The following SLC9A7 variants were observed in gnomAD, a reference collection of about 807,000 sequenced individuals.
SLC9A7 encodes solute carrier family 9 member A7.
Under a neutral mutation model 52.6 loss-of-function variants are expected in SLC9A7, and 19 were observed. The ratio of observed to expected loss-of-function variants is 0.36; its 90% CI spans 0.25 to 0.53. SLC9A7 has a LOEUF of 0.53. Among genes scored for constraint, SLC9A7 ranks in the 20% least tolerant of loss-of-function variants. The probability of loss-of-function intolerance (pLI) is 0.91; values close to 1 mark genes in which losing one functional copy is unlikely to be tolerated. For synonymous variants in SLC9A7, 226 were observed against 252.1 expected (o/e 0.90, Z 0.98); for missense variants, 455 against 597.9 (o/e 0.76, Z 2.49).
intron 1 of SLC9A7, among the ~76,000 whole-genome samples, chrX:46,750,229 T>G (rs951686659): frequency 1.8e-5 from 2 of 112,231 alleles, no homozygotes; most frequent in African/African-American, 6.5e-5. Flanking sequence ...TATATTGAGT[T>G]CATCCTTTAA....
intron 16 of SLC9A7, among the ~76,000 whole-genome samples, chrX:46,612,514 T>A (rs1363417237): frequency 8.9e-6 from 1 of 112,036 alleles, no homozygotes; most frequent in Non-Finnish European, 1.9e-5. Flanking sequence ...CATATCAACA[T>A]AAATAAACTA....
intron 4 of SLC9A7, among the ~76,000 whole-genome samples, chrX:46,669,980 AC>A (rs1943993279): frequency 8.9e-6 from 1 of 112,326 alleles, no homozygotes; most frequent in African/African-American, 3.2e-5. Flanking sequence ...ACCATGAAGC[AC>A]AGTCTTCAAT....
At chrX:46,755,234 G>A (rs1207999329) in intron 1 of SLC9A7, among the ~76,000 whole-genome samples, 3 of 111,340 alleles carry the variant, frequency 2.7e-5, no homozygotes, top group Non-Finnish European at 3.8e-5. Context: ...CTTATTATGG[G>A]GTCTATTTGT....
At chrX:46,632,608 C>T (rs1943240483) in intron 13 of SLC9A7, among the ~76,000 whole-genome samples, 1 of 111,286 alleles carries the variant, frequency 9.0e-6, no homozygotes, top group Non-Finnish European at 1.9e-5. Flanking sequence ...TAGCCAGAAT[C>T]CCCCTTGCCC....
At chrX:46,666,279 A>G (rs745631550) in intron 5 of SLC9A7, among the ~76,000 whole-genome samples, 8 of 111,155 alleles carry the variant, frequency 7.2e-5, no homozygotes, top group African/African-American at 2.6e-4. Flanking sequence ...GCTAATTTTT[A>G]CAATTTTTTT....
chrX:46,716,064 T>C (rs1363039295), intron 1 of SLC9A7, among the ~76,000 whole-genome samples: 2 of 111,497 alleles, frequency 1.8e-5, no homozygotes, highest in Non-Finnish European at 1.9e-5. Flanking sequence ...TGACTTATAA[T>C]AGTAATCTTA....
intron 1 of SLC9A7, among the ~76,000 whole-genome samples, chrX:46,707,590 G>A (rs1049002163): frequency 3.6e-5 from 4 of 112,378 alleles, no homozygotes; most frequent in African/African-American, 1.3e-4. Context: ...TTCTGTGTGA[G>A]ACTAAATAAC....
Position 46,680,507 on chromosome X carries a change from C to T in SLC9A7, c.526-752G>A, listed in dbSNP as rs775641916. On this transcript the variant is annotated intron_variant, in intron 2 of 16. Transcript: ENST00000616978. Reference sequence around the variant, plus strand: ...ATTTAAGTCTCTTTTGAGTGACCAGCCTTCTGTGACACTTGATGTAGCCTA... The same window carrying T: ...ATTTAAGTCTCTTTTGAGTGACCAGTCTTCTGTGACACTTGATGTAGCCTA... Among the ~76,000 whole-genome samples, 5 of 111,455 alleles carry T rather than the reference C, an allele frequency of 4.5e-5. No homozygotes were observed. The South Asian group carries it at 1.9e-3, about 42-fold the overall frequency.
intron 7 of SLC9A7, among the ~76,000 whole-genome samples, chrX:46,655,242 TC>T (rs1943657651): frequency 1.8e-5 from 2 of 111,403 alleles, no homozygotes; most frequent in African/African-American, 6.5e-5. Flanking sequence ...ACCCTGGCCT[TC>T]CAAAGTGCTG....
chrX:46,631,415 T>C (rs1472992000), intron 14 of SLC9A7, among the ~76,000 whole-genome samples, 171 bp downstream of exon 14: 1 of 112,292 alleles, frequency 8.9e-6, no homozygotes, highest in Non-Finnish European at 1.9e-5. Context: ...TCACTTATTC[T>C]GAGATGACTC....
At chrX:46,754,894 T>C (rs1922527096) in intron 1 of SLC9A7, among the ~76,000 whole-genome samples, 2 of 112,504 alleles carry the variant, frequency 1.8e-5, no homozygotes, top group Middle Eastern at 4.6e-3. Context: ...TGCAAAGACA[T>C]GTAGGGCCCA....
chrX:46,710,793 A>G (rs1471684389), intron 1 of SLC9A7, among the ~76,000 whole-genome samples: 1 of 105,026 alleles, frequency 9.5e-6, no homozygotes, highest in Admixed American at 1.0e-4. Flanking sequence ...TCTATTTATG[A>G]GCATACCATA....
At chrX:46,701,183 G>T (rs1331601953) in intron 1 of SLC9A7, among the ~76,000 whole-genome samples, 1 of 111,810 alleles carries the variant, frequency 8.9e-6, no homozygotes, top group Non-Finnish European at 1.9e-5. Context: ...AGGCACACAA[G>T]ATATAATTTT....
chrX:46,666,901 A>G (rs763381563), intron 5 of SLC9A7, among the ~76,000 whole-genome samples: 5 of 112,484 alleles, frequency 4.4e-5, no homozygotes, highest in Admixed American at 2.8e-4. Context: ...CAGACTTATG[A>G]AGATCTATTT....
intron 14 of SLC9A7, among the ~76,000 whole-genome samples, chrX:46,624,910 T>A (rs1943100300): frequency 1.8e-5 from 2 of 112,230 alleles, no homozygotes; most frequent in Admixed American, 1.9e-4. Context: ...GCACCTACTA[T>A]GTGCCAGGCA....
At chrX:46,666,624 T>G (rs1246977657) in intron 5 of SLC9A7, among the ~76,000 whole-genome samples, 1 of 112,176 alleles carries the variant, frequency 8.9e-6, no homozygotes, top group African/African-American at 3.2e-5. Flanking sequence ...CAAATGAAAA[T>G]GGAGTAGCAT....
Position 46,705,451 on chromosome X carries a change from A to G in SLC9A7, c.326-22916T>C, listed in dbSNP as rs150421762. The stretch of plus-strand genomic sequence containing the variant: ...GAAAAAACTTAAAATCACACCTCCA[A>G]TTAAGAAGATCTTGGCTGGGTGTGG... On this transcript the variant is annotated intron_variant, in intron 1 of 16. Coordinates refer to ENST00000616978, the MANE Select transcript of SLC9A7 (RefSeq NM_001257291.2). Among the ~76,000 whole-genome samples the G allele has an allele frequency of 2.8e-3, 315 of 112,259 alleles. 1 individual carries two copies. Among genetic ancestry groups the G allele is most frequent in the African/African-American group, 9.6e-3 (298 of 30,972 alleles).
chrX:46,648,467 A>G (rs755686126), intron 11 of SLC9A7, among the ~76,000 whole-genome samples: 2 of 111,577 alleles, frequency 1.8e-5, no homozygotes, highest in Non-Finnish European at 3.8e-5. Flanking sequence ...TAGAAATGCA[A>G]ATATTTTAGG....
At chrX:46,629,415 C>G (rs1432829534) in intron 14 of SLC9A7, among the ~76,000 whole-genome samples, 1 of 112,230 alleles carries the variant, frequency 8.9e-6, no homozygotes, top group Non-Finnish European at 1.9e-5. Context: ...CTTTCTCACT[C>G]AAACATTTCC....
Sources: allele counts gnomAD v4.1 joint callset (sites outside exome capture counted in the v4.1 genomes callset), GRCh38; gene constraint gnomAD v4.1.1; transcripts MANE v1.5; gene names NCBI Gene and HGNC (gene_info 2026-07-23, HGNC 2026-07-21).